The following ZNF407 variants were observed in gnomAD, a reference collection of about 807,000 sequenced individuals.
ZNF407 encodes zinc finger protein 407.
In ZNF407, 17 loss-of-function variants were observed where a neutral mutation model predicts 131.2. That is an observed-to-expected ratio of 0.13 (90% CI 0.09 to 0.19). ZNF407 has a LOEUF of 0.19. ZNF407 is among the 10% of genes least tolerant of loss of function. The pLI is 1.00. For synonymous variants in ZNF407, 1,156 were observed against 1,062.0 expected, an observed-to-expected ratio of 1.09 and a Z score of -1.72; for missense variants, 2,681 against 2,830.6, an observed-to-expected ratio of 0.95 and a Z score of 1.20.
rs192754702 is a variant in ZNF407 at position 74,873,340 on chromosome 18, A to G, written c.4878-3857A>G. 6.1e-3 allele frequency among the ~76,000 whole-genome samples: 932 copies of G among 152,344 alleles called. 6 individuals carry two copies. The highest frequency in any genetic ancestry group is 9.6e-3 in the Non-Finnish European group (652 of 68,034). On this transcript the variant is annotated intron_variant, in intron 4 of 8. Transcript: ENST00000299687. ...TCATTTTGACTCTGTTATCAATCATATAATGAGAGAATTTCAGAGAAGGAA... is the reference window on the plus strand; with the variant it reads ...TCATTTTGACTCTGTTATCAATCATGTAATGAGAGAATTTCAGAGAAGGAA...
chr18:75,030,802 C>T (rs905618479), intron 8 of ZNF407, among the ~76,000 whole-genome samples: 20 of 152,158 alleles, frequency 1.3e-4, no homozygotes, highest in African/African-American at 4.6e-4. Context: ...GCCCCAGCCC[C>T]CACCCTGCTG....
At chr18:75,015,908 A>G (rs1973038777) in intron 8 of ZNF407, among the ~76,000 whole-genome samples, 1 of 152,034 alleles carries the variant, frequency 6.6e-6, no homozygotes, top group Non-Finnish European at 1.5e-5. Flanking sequence ...AATGCAAGCA[A>G]TTGTTACAGT....
chr18:75,001,185 G>A (rs983299407), intron 8 of ZNF407, among the ~76,000 whole-genome samples: 3 of 152,148 alleles, frequency 2.0e-5, no homozygotes, highest in African/African-American at 7.2e-5. Flanking sequence ...GAAAATGGGT[G>A]GGGAAGATAG....
chr18:74,724,256 A>C (rs1330605546), intron 3 of ZNF407, among the ~76,000 whole-genome samples: 1 of 152,182 alleles, frequency 6.6e-6, no homozygotes, highest in Non-Finnish European at 1.5e-5. Context: ...TTGATGTTTA[A>C]ATACATGTGT....
At chr18:74,764,606 T>C (rs1969186149) in intron 3 of ZNF407, among the ~76,000 whole-genome samples, 1 of 152,200 alleles carries the variant, frequency 6.6e-6, no homozygotes, top group Admixed American at 6.5e-5. Context: ...TTAAGTATTG[T>C]AAGTAATCTA....
chr18:75,038,089 C>T (rs1973330730), intron 8 of ZNF407, among the ~76,000 whole-genome samples: 1 of 152,244 alleles, frequency 6.6e-6, no homozygotes, highest in Non-Finnish European at 1.5e-5. Context: ...TACTCTCCAA[C>T]ATCATTAATT....
chr18:74,920,548 C>T lies in ZNF407; in HGVS notation c.5284C>T (p.Leu1762=), dbSNP rs937527430. 3 of 1,589,594 alleles carry T rather than the reference C, an allele frequency of 1.9e-6. No homozygotes were observed. The highest frequency in any genetic ancestry group is 2.6e-6 in the Non-Finnish European group (3 of 1,160,346). ...TGCTGAAAATATCCGCAAACACATT[C>T]TGCATACTGGCAAACATGAAGGAGT... The part of the protein sequence containing the change: ...NCAENIRKHI[L]HTGKHEGVKM... The change falls in exon 8 of 9, where the codon CTG becomes TTG. Residue 1762 remains leucine, a synonymous_variant. Coordinates refer to ENST00000299687, the MANE Select transcript of ZNF407 (RefSeq NM_017757.3).
chr18:75,020,586 A>G (rs1973098636), intron 8 of ZNF407, among the ~76,000 whole-genome samples: 1 of 152,204 alleles, frequency 6.6e-6, no homozygotes, highest in Admixed American at 6.5e-5. Context: ...ATAGCCCAGT[A>G]AAATGGCTGA....
intron 4 of ZNF407, among the ~76,000 whole-genome samples, chr18:74,818,685 A>G (rs1488431053): frequency 1.3e-5 from 2 of 152,244 alleles, no homozygotes; most frequent in Non-Finnish European, 2.9e-5. Flanking sequence ...AATGCAAAAT[A>G]TAGCACAGAG....
intron 4 of ZNF407, among the ~76,000 whole-genome samples, chr18:74,847,710 C>G (rs1380236922): frequency 6.6e-6 from 1 of 152,168 alleles, no homozygotes; most frequent in Non-Finnish European, 1.5e-5. Context: ...TGTCTGCTGT[C>G]AGCATATTGC....
intron 3 of ZNF407, among the ~76,000 whole-genome samples, chr18:74,717,941 T>G (rs1484822752): frequency 6.6e-6 from 1 of 152,202 alleles, no homozygotes; most frequent in Non-Finnish European, 1.5e-5. Flanking sequence ...TAACCTGTAT[T>G]TGCAAATTTT....
rs756919141 is a variant in ZNF407 at position 74,634,195 on chromosome 18, G to A, written c.3176G>A (p.Arg1059His). 6 of 1,613,898 alleles carry A rather than the reference G, an allele frequency of 3.7e-6. No homozygotes were observed. Among genetic ancestry groups the A allele is most frequent in the African/African-American group, 1.3e-5 (1 of 74,942 alleles). ...TGCGATTACTACGCGGTGACTCGTC[G>A]CGAGATGACCAGGCATGCAGCAACA... ...MACDYYAVTRREMTRHAATEK... is the reference protein window; with the variant it reads ...MACDYYAVTRHEMTRHAATEK... Residue 1059 changes from arginine to histidine, a missense_variant, in exon 2 of 9, where the codon CGC becomes CAC. By Grantham distance (29) the Arg-to-His change is conservative. Transcript: ENST00000299687.
chr18:74,677,096 A>G (rs949114332), intron 3 of ZNF407, among the ~76,000 whole-genome samples: 3 of 151,418 alleles, frequency 2.0e-5, no homozygotes, highest in Admixed American at 6.6e-5. Context: ...ACTTTCTTCT[A>G]TTTTTCTTTT....
chr18:74,764,048 T>C (rs1969172777), intron 3 of ZNF407, among the ~76,000 whole-genome samples: 1 of 151,946 alleles, frequency 6.6e-6, no homozygotes, highest in Admixed American at 6.5e-5. Context: ...GTCTTTTTTC[T>C]CTCTTTTTTT....
At chr18:74,680,901 A>G (rs1363771654) in intron 3 of ZNF407, among the ~76,000 whole-genome samples, 2 of 152,232 alleles carry the variant, frequency 1.3e-5, no homozygotes, top group Non-Finnish European at 2.9e-5. Flanking sequence ...AAATGATTTT[A>G]GATGGTCATA....
chr18:74,700,507 CTT>C (rs1450252675), intron 3 of ZNF407, among the ~76,000 whole-genome samples: 3 of 152,314 alleles, frequency 2.0e-5, no homozygotes, highest in African/African-American at 7.2e-5. Context: ...GTGGAGCTAA[CTT>C]TATTATTTCA....
In ZNF407 at chr18:74,631,809, C is replaced by T; in HGVS notation, c.790C>T (p.Leu264Phe). Reference sequence around the variant, plus strand: ...AGAAAACTTGTTGAATGCACATTATCTTGGCAAAACACATCTCCGTCGTCA... The same window carrying T: ...AGAAAACTTGTTGAATGCACATTATTTTGGCAAAACACATCTCCGTCGTCA... The part of the protein sequence containing the change: ...SEENLLNAHY[L>F]GKTHLRRQNL... Residue 264 changes from leucine to phenylalanine, a missense_variant, in exon 2 of 9, where the codon CTT becomes TTT. This residue lies in a region of ZNF407 where 1,789 missense variants were observed against 1,748.7 expected (regional missense o/e 1.02). Coordinates refer to ENST00000299687, the MANE Select transcript of ZNF407 (RefSeq NM_017757.3). The T allele has an allele frequency of 5.0e-6, 8 of 1,614,032 alleles. No individual in the cohort carries two copies. The highest frequency in any genetic ancestry group is 1.1e-5 in the South Asian group (1 of 91,088).
At chr18:75,057,255 A>T (rs141408303) in intron 8 of ZNF407, among the ~76,000 whole-genome samples, 4 of 152,352 alleles carry the variant, frequency 2.6e-5, no homozygotes, top group African/African-American at 9.6e-5. Context: ...ACAGCAACAG[A>T]GTGGTTTACA....
chr18:74,689,580 T>C (rs1210596228), intron 3 of ZNF407, among the ~76,000 whole-genome samples: 1 of 152,226 alleles, frequency 6.6e-6, no homozygotes, highest in Admixed American at 6.5e-5. Flanking sequence ...TATGTTTATG[T>C]GTTCTGAGTG....
Sources: gnomAD v4.1 joint callset for allele counts (sites outside exome capture counted in the v4.1 genomes callset) on GRCh38, gnomAD v4.1.1 for gene constraint, gnomAD v4.1.1 regional missense constraint, MANE v1.5 for transcripts, NCBI Gene and HGNC (gene_info 2026-07-23, HGNC 2026-07-21) for gene names.